EXOC2: variants seen among roughly 807,000 people sequenced by gnomAD.
The protein encoded by EXOC2 is SEC5-like 1.
EXOC2 carries 70 observed loss-of-function variants against 131.8 expected under a neutral mutation model. The observed-to-expected ratio is 0.53, with a 90% CI of 0.44 to 0.65. The LOEUF is 0.65. EXOC2 is among the 30% of genes least tolerant of loss of function. The pLI, the probability that EXOC2 is intolerant of heterozygous loss-of-function variation, is 0.00. For missense variants in EXOC2, 923 were observed against 1,108.6 expected (o/e 0.83, Z 2.38); for synonymous variants, 411 against 398.4 (o/e 1.03, Z -0.38).
intron 26 of EXOC2, among the ~76,000 whole-genome samples, chr6:489,875 A>T (rs1180308507): frequency 2.6e-5 from 4 of 152,246 alleles, no homozygotes; most frequent in Non-Finnish European, 4.4e-5. Flanking sequence ...TCACAGCAAC[A>T]GAGAGAAAGA....
chr6:528,691 C>T (rs1373113734), intron 23 of EXOC2, among the ~76,000 whole-genome samples: 1 of 151,916 alleles, frequency 6.6e-6, no homozygotes, highest in African/African-American at 2.4e-5. Flanking sequence ...AAAAAAAAAG[C>T]CTCACCACTT....
chr6:610,622 T>C (rs1760665578), intron 6 of EXOC2, among the ~76,000 whole-genome samples: 1 of 152,210 alleles, frequency 6.6e-6, no homozygotes, highest in Non-Finnish European at 1.5e-5. Context: ...AACTAGGTAA[T>C]GCAAATATTT....
chr6:555,616 C>G, intron 19 of EXOC2, among the ~76,000 whole-genome samples: 1 of 152,182 alleles, frequency 6.6e-6, no homozygotes, highest in East Asian at 1.9e-4. Context: ...CTGCAAAGCA[C>G]TGGTCCCAAT....
intron 6 of EXOC2, among the ~76,000 whole-genome samples, chr6:610,513 CCAAAATCTGAAACTTGAAG>C (rs1760659465): frequency 6.6e-6 from 1 of 152,134 alleles, no homozygotes; most frequent in South Asian, 2.1e-4. Flanking sequence ...CCAAAATGCT[CCAAAATCTGAAACTTGAAG>C]CACTCACATG....
intron 4 of EXOC2, among the ~76,000 whole-genome samples, chr6:627,540 G>A (rs1581585927): frequency 6.6e-6 from 1 of 152,322 alleles, no homozygotes; most frequent in East Asian, 1.9e-4. Context: ...GAAAGACAGA[G>A]CTGGCTTGTG....
intron 1 of EXOC2, among the ~76,000 whole-genome samples, chr6:659,980 G>A (rs1479327630): frequency 6.8e-6 from 1 of 147,146 alleles, no homozygotes; most frequent in Non-Finnish European, 1.5e-5. Flanking sequence ...AAGCCGTCTT[G>A]CCACTCAGGG....
At chr6:687,520 C>A (rs1764719364) in intron 1 of EXOC2, among the ~76,000 whole-genome samples, 1 of 152,070 alleles carries the variant, frequency 6.6e-6, no homozygotes, top group Admixed American at 6.5e-5. Context: ...CCTAGTCCGT[C>A]AAGATGATTT....
At chr6:596,128 G>A (rs1207954642) in intron 10 of EXOC2, among the ~76,000 whole-genome samples, 4 of 151,892 alleles carry the variant, frequency 2.6e-5, no homozygotes, top group South Asian at 2.1e-4. Flanking sequence ...AACACATCCC[G>A]CACAGCGCCT....
chr6:619,511 A>T lies in EXOC2; in HGVS notation c.455T>A (p.Leu152Gln). Residue 152 changes from leucine to glutamine, a missense_variant, in exon 5 of 28, where the codon CTA (leucine) becomes CAA (glutamine). Coordinates refer to ENST00000230449, the MANE Select transcript of EXOC2 (RefSeq NM_018303.6). ...AAAATCAGCACTCATTCCATGGAAT[A>T]GCATTTCTAAGTCCTTCTGCGAAAA... is the stretch of plus-strand genomic sequence containing the variant. ...SKFSQKDLEM[L>Q]FHGMSADFTS... 6.2e-7 allele frequency: 1 copy of T among 1,614,122 alleles called. No individual in the cohort carries two copies. Among genetic ancestry groups the T allele is most frequent in the Non-Finnish European group, 8.5e-7 (1 of 1,179,986 alleles).
At chr6:562,141 G>A (rs1268722398) in intron 17 of EXOC2, among the ~76,000 whole-genome samples, 2 of 152,224 alleles carry the variant, frequency 1.3e-5, no homozygotes, top group African/African-American at 4.8e-5. Context: ...GGCACTGACT[G>A]TGTGACCACG....
At chr6:680,498 C>T (rs1468555575) in intron 1 of EXOC2, among the ~76,000 whole-genome samples, 2 of 152,168 alleles carry the variant, frequency 1.3e-5, no homozygotes, top group Non-Finnish European at 2.9e-5. Context: ...TTTTACATTG[C>T]CTTCCCTGTG....
chr6:656,683 A>C, intron 1 of EXOC2: 1 of 1,606,924 alleles, frequency 6.2e-7, no homozygotes, highest in Admixed American at 1.7e-5. Flanking sequence ...GCCGCCCGGG[A>C]CAGGTGCTCC....
chr6:678,651 T>G (rs1404340857), intron 1 of EXOC2, among the ~76,000 whole-genome samples: 1 of 152,152 alleles, frequency 6.6e-6, no homozygotes, highest in Non-Finnish European at 1.5e-5. Context: ...TGACACAATA[T>G]AGTAACAGTA....
Position 619,468 on chromosome 6 carries a change from T to C in EXOC2, c.498A>G (p.Ser166=), listed in dbSNP as rs1174862167. The C allele has an allele frequency of 3.7e-6, 6 of 1,614,020 alleles. No individual in the cohort carries two copies. Among genetic ancestry groups the C allele is most frequent in the Non-Finnish European group, 5.1e-6 (6 of 1,179,990 alleles). ...GATTCTCTATAAGATACCAGGCTGC[T>C]GAGAAATTCTCACTTGTAAAATCAG... ...MSADFTSENF[S]AAWYLIENHS... Residue 166 remains serine (S), a synonymous_variant, in exon 5 of 28, where the codon TCA becomes TCG. Transcript: ENST00000230449.
At chr6:582,539 A>G (rs1758966632) in intron 11 of EXOC2, among the ~76,000 whole-genome samples, 1 of 151,636 alleles carries the variant, frequency 6.6e-6, no homozygotes, top group Non-Finnish European at 1.5e-5. Flanking sequence ...CTTGCTGACC[A>G]AACACGGGCC....
At chr6:678,902 A>T (rs2127793809) in intron 1 of EXOC2, among the ~76,000 whole-genome samples, 1 of 152,364 alleles carries the variant, frequency 6.6e-6, no homozygotes, top group Admixed American at 6.5e-5. Flanking sequence ...TGTTTCAGTT[A>T]CACTCCAAAA....
intron 23 of EXOC2, among the ~76,000 whole-genome samples, chr6:501,933 C>G (rs559529145): frequency 1.1e-4 from 17 of 151,946 alleles, no homozygotes; most frequent in Non-Finnish European, 1.6e-4. Context: ...GTGAAATAAA[C>G]GAACTCGTCT....
At chr6:532,260 A>C (rs1310860339) in intron 23 of EXOC2, among the ~76,000 whole-genome samples, 2 of 152,262 alleles carry the variant, frequency 1.3e-5, no homozygotes, top group African/African-American at 2.4e-5. Flanking sequence ...TCTAGAATTT[A>C]AGAACAGCTT....
chr6:520,759 G>C (rs1581355872), intron 23 of EXOC2, among the ~76,000 whole-genome samples: 1 of 138,060 alleles, frequency 7.2e-6, no homozygotes, highest in Non-Finnish European at 1.5e-5. Flanking sequence ...TCCACACTCG[G>C]ACATGAAAAC....
Sources: gnomAD v4.1 joint callset for allele counts (sites outside exome capture counted in the v4.1 genomes callset) on GRCh38, gnomAD v4.1.1 for gene constraint, MANE v1.5 for transcripts, NCBI Gene and HGNC (gene_info 2026-07-23, HGNC 2026-07-21) for gene names.